SYTL5: variants seen among roughly 807,000 people sequenced by gnomAD.
SYTL5 encodes the protein synaptotagmin like 5, also known as synaptotagmin-like protein 5.
In SYTL5, 34 loss-of-function variants were observed where a neutral mutation model predicts 55.9. The ratio of observed to expected loss-of-function variants is 0.61; its 90% CI spans 0.46 to 0.81. The LOEUF is 0.81. Ranked by LOEUF, SYTL5 falls within the 30% of genes least tolerant of loss-of-function variation. SYTL5 has a pLI of 0.00. For missense variants in SYTL5, 637 were observed against 546.7 expected (o/e 1.17, Z -1.65); for synonymous variants, 221 against 188.7 (o/e 1.17, Z -1.40).
chrX:38,098,970 T>C lies in SYTL5; in HGVS notation c.1062+2736T>C, dbSNP rs180854734. ...ATGAAAGGAAAATTGATAGAGAAAT[T>C]AAAGCAGATTAATGGTTGCCAGGGA... On this transcript the variant is annotated intron_variant, in intron 9 of 16. Coordinates refer to ENST00000297875, the MANE Select transcript of SYTL5 (RefSeq NM_138780.3). 5.4e-3 allele frequency among the ~76,000 whole-genome samples: 597 copies of C among 110,531 alleles called. 3 individuals are homozygous for C. Among genetic ancestry groups the C allele is most frequent in the Middle Eastern group, 0.023 (5 of 216 alleles).
chrX:37,970,123 C>T, the SYTL5 span, among the ~76,000 whole-genome samples: 1 of 111,436 alleles, frequency 9.0e-6, no homozygotes, highest in Non-Finnish European at 1.9e-5. Context: ...ATTAAAGACC[C>T]ATCTCTAGAA....
chrX:38,045,982 T>G (rs1015003925), intron 2 of SYTL5, among the ~76,000 whole-genome samples: 1 of 111,736 alleles, frequency 8.9e-6, no homozygotes, highest in Non-Finnish European at 1.9e-5. Context: ...AGCATGGCTT[T>G]GCACAGCTAG....
In SYTL5 at chrX:38,122,178, G is replaced by A. The variant is rs1247798034; in HGVS notation, c.1804G>A (p.Val602Met). ...CAAAGAGGCAAAGAATTTGACAGCA[G>A]TGAAGTCAGGAGGCACTTCTGATAG... ...FIKEAKNLTAVKSGGTSDSFV... is the reference protein window; with the variant it reads ...FIKEAKNLTAMKSGGTSDSFV... The change falls in exon 15 of 17, where the codon GTG becomes ATG. Residue 602 changes from valine (V) to methionine (M), a missense_variant. Transcript: ENST00000297875. 8.3e-7 allele frequency: 1 copy of A among 1,209,211 alleles called. No homozygotes were observed. The highest frequency in any genetic ancestry group is 1.1e-6 in the Non-Finnish European group (1 of 893,740).
At chrX:38,071,277 G>T (rs1936257173) in intron 3 of SYTL5, among the ~76,000 whole-genome samples, 1 of 111,653 alleles carries the variant, frequency 9.0e-6, no homozygotes, top group South Asian at 3.8e-4. Flanking sequence ...GAAGATGGGG[G>T]TGATTTCATG....
At chrX:38,068,291 G>A (rs150178755) in intron 3 of SYTL5, among the ~76,000 whole-genome samples, 1,777 of 112,004 alleles carry the variant, frequency 0.016, 16 homozygotes, top group Non-Finnish European at 0.025. Flanking sequence ...CTGGTGAGTC[G>A]TGGAGAAAAG....
rs1937270510 is a variant in SYTL5, at chrX:38,108,499, G to A, written c.1335-101G>A. The A allele has an allele frequency of 1.8e-5, 10 of 564,064 alleles. No homozygotes were observed. The East Asian group carries it at 3.8e-4, about 21-fold the overall frequency. The allele number at this position is 564,064 out of a possible 1,213,427, so 46.5% of individuals were successfully genotyped here. On this transcript the variant is annotated intron_variant, in intron 11 of 16. Coordinates refer to ENST00000297875, the MANE Select transcript of SYTL5 (RefSeq NM_138780.3). ...AATTCTCTTTGGTATTTCCGCTCAT[G>A]CTCACTGGCCCTTTGCCCCTTTTAT... is the stretch of plus-strand genomic sequence containing the variant.
chrX:38,046,632 C>T (rs1935470824), intron 2 of SYTL5, among the ~76,000 whole-genome samples: 1 of 111,383 alleles, frequency 9.0e-6, no homozygotes, highest in African/African-American at 3.3e-5. Context: ...TTGCCCTTCC[C>T]AAATCTCATG....
At chrX:38,039,220 A>C (rs995642162) in intron 2 of SYTL5, among the ~76,000 whole-genome samples, 11 of 112,339 alleles carry the variant, frequency 9.8e-5, no homozygotes, top group Non-Finnish European at 1.7e-4. Flanking sequence ...GGAGATAGCG[A>C]GACACAGGTT....
At chrX:38,078,371 C>T (rs760121952) in intron 6 of SYTL5, among the ~76,000 whole-genome samples, 5 of 110,160 alleles carry the variant, frequency 4.5e-5, no homozygotes, top group Non-Finnish European at 7.6e-5. Flanking sequence ...CACCATTCTC[C>T]TGCCTCAGCC....
intron 3 of SYTL5, among the ~76,000 whole-genome samples, chrX:38,070,542 A>G (rs1030814629): frequency 1.8e-5 from 2 of 110,956 alleles, no homozygotes; most frequent in African/African-American, 3.3e-5. Flanking sequence ...TTCTTCATAT[A>G]TTTAGCCAGA....
intron 2 of SYTL5, among the ~76,000 whole-genome samples, chrX:38,038,741 C>G: frequency 8.9e-6 from 1 of 111,924 alleles, no homozygotes. Context: ...CTGTACTAAT[C>G]AGTTTCAGAA....
At chrX:38,114,801 C>T (rs1032200122) in intron 13 of SYTL5, among the ~76,000 whole-genome samples, 2 of 111,359 alleles carry the variant, frequency 1.8e-5, no homozygotes, top group Admixed American at 1.9e-4. Flanking sequence ...ATCTAGCTGA[C>T]ATTTTATTTT....
chrX:37,937,711 C>A, the SYTL5 span, among the ~76,000 whole-genome samples: 2 of 112,122 alleles, frequency 1.8e-5, no homozygotes, highest in African/African-American at 6.5e-5. Context: ...CCATGGCAAA[C>A]TAATACAGTG....
chrX:38,076,904 A>G lies in SYTL5; in HGVS notation c.689+203A>G, dbSNP rs192046448. On this transcript the variant is annotated intron_variant, in intron 6 of 16. Transcript: ENST00000297875. The stretch of plus-strand genomic sequence containing the variant: ...AGAATTACAGCTATTGGAATTGCCT[A>G]TGTCACCTGCAGGGATGAAACTTTA... 2.2e-3 allele frequency among the ~76,000 whole-genome samples: 250 copies of G among 111,905 alleles called. 1 individual carries two copies. Among genetic ancestry groups the G allele is most frequent in the Non-Finnish European group, 3.7e-3 (195 of 53,198 alleles).
chrX:38,113,630 C>T (rs1235042640), intron 13 of SYTL5, among the ~76,000 whole-genome samples: 4 of 111,567 alleles, frequency 3.6e-5, no homozygotes, highest in Non-Finnish European at 7.5e-5. Context: ...TACTAACCCT[C>T]ACCCTGGCAC....
the SYTL5 span, among the ~76,000 whole-genome samples, chrX:37,981,457 A>C: frequency 2.7e-5 from 3 of 110,749 alleles, no homozygotes; most frequent in Non-Finnish European, 5.7e-5. Flanking sequence ...CACCATGCCT[A>C]GCTAATTTTT....
At chrX:37,983,259 A>G in the SYTL5 span, among the ~76,000 whole-genome samples, 1 of 112,101 alleles carries the variant, frequency 8.9e-6, no homozygotes, top group Non-Finnish European at 1.9e-5. Flanking sequence ...GAATTAAAAA[A>G]CAAGATCCAA....
At chrX:38,003,668 T>C (rs919905537), upstream of SYTL5, among the ~76,000 whole-genome samples, 1 of 111,789 alleles carries the variant, frequency 8.9e-6, no homozygotes, top group African/African-American at 3.2e-5. Flanking sequence ...AATTTATAGA[T>C]TCAATGCCAT....
chrX:38,001,730 C>A (rs1242405180), upstream of SYTL5, among the ~76,000 whole-genome samples: 1 of 111,469 alleles, frequency 9.0e-6, no homozygotes, highest in Non-Finnish European at 1.9e-5. Context: ...CAAATCTTGT[C>A]TATTATAAAT....
Sources: allele counts gnomAD v4.1 joint callset (sites outside exome capture counted in the v4.1 genomes callset), GRCh38; gene constraint gnomAD v4.1.1; transcripts MANE v1.5; gene names NCBI Gene and HGNC (gene_info 2026-07-23, HGNC 2026-07-21).